MSI2: variants seen among roughly 807,000 people sequenced by gnomAD.
MSI2 encodes RNA-binding protein Musashi homolog 2.
A neutral mutation model predicts 45.6 loss-of-function variants in MSI2; 17 were observed. That is an observed-to-expected ratio of 0.37 (90% CI 0.26 to 0.56). MSI2 has a LOEUF of 0.56. MSI2 is among the 20% of genes least tolerant of loss of function. The pLI is 0.77. For missense variants in MSI2, 293 were observed against 444.2 expected (o/e 0.66, Z 3.06); for synonymous variants, 156 against 158.2 (o/e 0.99, Z 0.11).
intron 10 of MSI2, chr17:57,631,486 C>T: frequency 3.1e-6 from 1 of 320,256 alleles, no homozygotes; most frequent in South Asian, 5.5e-5. Context: ...GCAAGTGGCA[C>T]CTGGCTGTGC....
At position 57,287,270 on chromosome 17, in the gene MSI2, C is replaced by T. The variant is rs117105545; in HGVS notation, c.312+25078C>T. On this transcript the variant is annotated intron_variant, in intron 5 of 13. Coordinates refer to ENST00000284073, the MANE Select transcript of MSI2 (RefSeq NM_138962.4). ...GGAAAGGAAGTGTGAAACTGCTTCC[C>T]TCAGTGAACACCCAGCCTGGCGAGG... Among the ~76,000 whole-genome samples, 9 of 152,156 alleles carry T rather than the reference C, an allele frequency of 5.9e-5. No homozygotes were observed. In the East Asian group the frequency reaches 1.5e-3, roughly 26 times the overall value.
chr17:57,665,779 C>A (rs909360057), intron 11 of MSI2, among the ~76,000 whole-genome samples: 1 of 152,186 alleles, frequency 6.6e-6, no homozygotes. Context: ...GGTCCAGGCA[C>A]TTTCCTGGGG....
At chr17:57,363,476 G>A (rs1284478357) in intron 5 of MSI2, among the ~76,000 whole-genome samples, 1 of 152,184 alleles carries the variant, frequency 6.6e-6, no homozygotes, top group African/African-American at 2.4e-5. Context: ...GGTAGCTCAC[G>A]TCTATAATCC....
intron 5 of MSI2, among the ~76,000 whole-genome samples, chr17:57,298,061 C>G (rs970920335): frequency 6.7e-6 from 1 of 148,632 alleles, no homozygotes; most frequent in African/African-American, 2.5e-5. Context: ...TTTTTACTTT[C>G]TCCATAAGTC....
At chr17:57,351,836 C>T (rs1354379116) in intron 5 of MSI2, among the ~76,000 whole-genome samples, 3 of 152,200 alleles carry the variant, frequency 2.0e-5, no homozygotes, top group Non-Finnish European at 4.4e-5. Flanking sequence ...GCCTTGACAA[C>T]AGAGTGAGAC....
chr17:57,631,672 C>T, intron 10 of MSI2: 1 of 877,000 alleles, frequency 1.1e-6, no homozygotes, highest in South Asian at 1.7e-5. Context: ...GGATCAGGAT[C>T]CCGTCTTGAA....
intron 5 of MSI2, among the ~76,000 whole-genome samples, chr17:57,321,324 A>G (rs2143669726): frequency 6.6e-6 from 1 of 152,068 alleles, no homozygotes; most frequent in South Asian, 2.1e-4. Context: ...GTAATTATAG[A>G]TGCTTTAGGA....
intron 5 of MSI2, among the ~76,000 whole-genome samples, chr17:57,354,803 C>T (rs759098520): frequency 2.2e-4 from 33 of 152,050 alleles, no homozygotes; most frequent in Non-Finnish European, 5.9e-5. Context: ...TGGAAGGATT[C>T]GAGCAGCCAG....
intron 8 of MSI2, among the ~76,000 whole-genome samples, chr17:57,602,184 T>G (rs1448861141): frequency 1.3e-5 from 2 of 152,176 alleles, no homozygotes; most frequent in Admixed American, 6.5e-5. Flanking sequence ...TTCATAAACT[T>G]TCTTAGAACA....
intron 5 of MSI2, chr17:57,266,671 T>G (rs1249041888): frequency 6.6e-6 from 1 of 152,196 alleles, no homozygotes. Context: ...AGATAATTAT[T>G]TTAATAGAAT....
chr17:57,317,896 C>A lies in MSI2; in HGVS notation c.312+55704C>A, dbSNP rs145668952. 8.3e-4 allele frequency among the ~76,000 whole-genome samples: 127 copies of A among 152,280 alleles called. 1 individual carries two copies. The highest frequency in any genetic ancestry group is 1.5e-3 in the Non-Finnish European group (105 of 68,030). Reference sequence around the variant, plus strand: ...AGGCACAGTGACTCACGCCTGTAATCCCGGCACTTTGGGAGGCCGAGGAGG... The same window carrying A: ...AGGCACAGTGACTCACGCCTGTAATACCGGCACTTTGGGAGGCCGAGGAGG... On this transcript the variant is annotated intron_variant, in intron 5 of 13. Coordinates refer to ENST00000284073, the MANE Select transcript of MSI2 (RefSeq NM_138962.4).
At chr17:57,335,419 T>C (rs1395749132) in intron 5 of MSI2, among the ~76,000 whole-genome samples, 1 of 152,244 alleles carries the variant, frequency 6.6e-6, no homozygotes, top group Non-Finnish European at 1.5e-5. Flanking sequence ...TAAAGTTTTA[T>C]TGGAACCCAG....
At chr17:57,475,238 T>C (rs1244225156) in intron 6 of MSI2, among the ~76,000 whole-genome samples, 1 of 152,192 alleles carries the variant, frequency 6.6e-6, no homozygotes, top group East Asian at 1.9e-4. Flanking sequence ...TAGGGAGGGC[T>C]CCCTGTTCTC....
At chr17:57,299,840 T>C (rs915058283) in intron 5 of MSI2, among the ~76,000 whole-genome samples, 1 of 152,178 alleles carries the variant, frequency 6.6e-6, no homozygotes, top group Non-Finnish European at 1.5e-5. Context: ...AAATACAATA[T>C]TAGCACAGTG....
intron 5 of MSI2, among the ~76,000 whole-genome samples, chr17:57,340,941 G>A (rs1023460396): frequency 6.6e-6 from 1 of 152,178 alleles, no homozygotes; most frequent in East Asian, 1.9e-4. Flanking sequence ...AGCCTCAGCA[G>A]GAATACAGGT....
chr17:57,604,817 C>T (rs1906345141), intron 8 of MSI2, among the ~76,000 whole-genome samples: 1 of 152,144 alleles, frequency 6.6e-6, no homozygotes. Flanking sequence ...AGGCCAGCCG[C>T]AGGCTAGGGT....
intron 10 of MSI2, among the ~76,000 whole-genome samples, chr17:57,634,327 G>T (rs568958535): frequency 5.9e-4 from 89 of 151,946 alleles, no homozygotes; most frequent in African/African-American, 2.1e-3. Flanking sequence ...ATAGCCCGGA[G>T]TGGTGGCGGG....
At chr17:57,700,797 G>C in the MSI2 span, among the ~76,000 whole-genome samples, 1 of 152,006 alleles carries the variant, frequency 6.6e-6, no homozygotes, top group African/African-American at 2.4e-5. Context: ...AGCTACTCAG[G>C]AGGCTGAGGC....
At chr17:57,464,808 A>G (rs1214077029) in intron 6 of MSI2, among the ~76,000 whole-genome samples, 1 of 152,222 alleles carries the variant, frequency 6.6e-6, no homozygotes, top group Non-Finnish European at 1.5e-5. Flanking sequence ...CAGCTTGGCC[A>G]GAAGACGTCT....
Sources: allele counts gnomAD v4.1 joint callset (sites outside exome capture counted in the v4.1 genomes callset), GRCh38; gene constraint gnomAD v4.1.1; transcripts MANE v1.5; gene names NCBI Gene and HGNC (gene_info 2026-07-23, HGNC 2026-07-21).